The following TPH2 variants were observed in gnomAD, a reference collection of about 807,000 sequenced individuals.
TPH2 encodes tryptophan hydroxylase 2, also known as tryptophan 5-hydroxylase 2.
TPH2 carries 27 observed loss-of-function variants against 59.1 expected under a neutral mutation model. The observed-to-expected ratio is 0.46, with a 90% CI of 0.34 to 0.63. The LOEUF (loss-of-function observed/expected upper bound fraction) is 0.63, where lower values mean the gene tolerates loss of function less well. TPH2 is among the 30% of genes least tolerant of loss of function. The pLI is 0.01. For synonymous variants in TPH2, 220 were observed against 210.5 expected, an observed-to-expected ratio of 1.05 and a Z score of -0.39; for missense variants, 523 against 588.3, an observed-to-expected ratio of 0.89 and a Z score of 1.15.
In TPH2 at chr12:71,942,951, G is replaced by T. The variant is rs553616112; in HGVS notation, c.255+1218G>T. On this transcript the variant is annotated intron_variant, in intron 2 of 10. Coordinates refer to ENST00000333850, the MANE Select transcript of TPH2 (RefSeq NM_173353.4). Reference sequence around the variant, plus strand: ...TAAATTCCTGGAGAAGGAGTTAGCAGCCCTGAGTTTTCACTCTGCCATCAG... The same window carrying T: ...TAAATTCCTGGAGAAGGAGTTAGCATCCCTGAGTTTTCACTCTGCCATCAG... 2.6e-5 allele frequency among the ~76,000 whole-genome samples: 4 copies of T among 152,264 alleles called. No homozygotes were observed. In the East Asian group the frequency reaches 7.7e-4, roughly 29 times the overall value.
chr12:71,991,660 C>A (rs1592401561), intron 7 of TPH2, among the ~76,000 whole-genome samples: 1 of 152,106 alleles, frequency 6.6e-6, no homozygotes, highest in Admixed American at 6.5e-5. Flanking sequence ...GGCGGCATGA[C>A]CTTTTAAAAA....
intron 4 of TPH2, among the ~76,000 whole-genome samples, chr12:71,948,308 A>G (rs1279206583): frequency 6.6e-6 from 1 of 152,112 alleles, no homozygotes; most frequent in South Asian, 2.1e-4. Flanking sequence ...ATTCACAGTA[A>G]AAGAAAGTGC....
At chr12:72,000,983 T>C (rs1872807621) in intron 8 of TPH2, among the ~76,000 whole-genome samples, 1 of 152,248 alleles carries the variant, frequency 6.6e-6, no homozygotes, top group Non-Finnish European at 1.5e-5. Context: ...CGTCAAACAG[T>C]ACATCCCATC....
chr12:71,996,212 T>G (rs1012888256), intron 8 of TPH2, among the ~76,000 whole-genome samples: 3 of 152,312 alleles, frequency 2.0e-5, no homozygotes, highest in African/African-American at 7.2e-5. Flanking sequence ...TGTGGGCCTC[T>G]CCTTAAGCTA....
rs2139221788 is a variant in TPH2, at chr12:71,994,537, C to T, written c.1040C>T (p.Ser347Leu). ...ATAGGTCTGGCGTCTCTGGGAGCAT[C>T]AGATGAAGATGTTCAGAAACTAGCC... ...QEIGLASLGA[S>L]DEDVQKLATC... is the part of the protein sequence containing the mutation. Residue 347 changes from serine (S) to leucine (L), a missense_variant, in exon 8 of 11, where the codon TCA (serine) becomes TTA (leucine). By Grantham distance (145) the Ser-to-Leu change is moderately radical (BLOSUM62 -2). Coordinates refer to ENST00000333850, the MANE Select transcript of TPH2 (RefSeq NM_173353.4). 6.2e-7 allele frequency: 1 copy of T among 1,613,936 alleles called. No individual in the cohort carries two copies. The highest frequency in any genetic ancestry group is 8.5e-7 in the Non-Finnish European group (1 of 1,179,862).
rs550324151 is a variant in TPH2 at position 71,956,324 on chromosome 12, G to A, written c.608+6669G>A. ...CACTGTGGGAAGGGATTACACATGG[G>A]CATGAATATCAGGAGTCAGGGTTCA... On this transcript the variant is annotated intron_variant, in intron 5 of 10. Transcript: ENST00000333850. Among the ~76,000 whole-genome samples, 127 of 152,264 alleles carry A rather than the reference G, an allele frequency of 8.3e-4. 1 individual carries two copies. Among genetic ancestry groups the A allele is most frequent in the Non-Finnish European group, 4.4e-4 (30 of 68,018 alleles).
chr12:72,001,579 G>A (rs527665864), intron 8 of TPH2, among the ~76,000 whole-genome samples: 21 of 151,878 alleles, frequency 1.4e-4, no homozygotes, highest in African/African-American at 4.6e-4. Flanking sequence ...GCATGTGCCC[G>A]GCTAATTTTT....
chr12:72,015,001 A>G (rs1489948448), intron 8 of TPH2, among the ~76,000 whole-genome samples: 1 of 152,088 alleles, frequency 6.6e-6, no homozygotes, highest in African/African-American at 2.4e-5. Context: ...ATGAAGCCTC[A>G]TTCTTATTTC....
intron 7 of TPH2, among the ~76,000 whole-genome samples, chr12:71,988,053 G>A (rs1311921421): frequency 1.3e-5 from 2 of 152,146 alleles, no homozygotes; most frequent in Non-Finnish European, 1.5e-5. Context: ...GTGTCAAGTG[G>A]CTATTATATT....
Position 71,939,064 on chromosome 12 carries a change from A to C in TPH2, c.78A>C (p.Glu26Asp). Residue 26 changes from glutamate (E) to aspartate (D), a missense_variant, in exon 1 of 11, where the codon GAA (glutamate) becomes GAC (aspartate). Glu to Asp is a conservative substitution (Grantham distance 45, BLOSUM62 2). Transcript: ENST00000333850. ...RGFSLDSAVPEEHQLLGSSTL... is the reference protein window; with the variant it reads ...RGFSLDSAVPDEHQLLGSSTL... Reference sequence around the variant, plus strand: ...TTTCCCTGGATTCAGCAGTGCCCGAAGAGCATCAGCTACTTGGCAGCTCAA... The same window carrying C: ...TTTCCCTGGATTCAGCAGTGCCCGACGAGCATCAGCTACTTGGCAGCTCAA... The C allele has an allele frequency of 6.2e-7, 1 of 1,614,116 alleles. No individual in the cohort carries two copies. Among genetic ancestry groups the C allele is most frequent in the Non-Finnish European group, 8.5e-7 (1 of 1,180,016 alleles).
At position 71,944,426 on chromosome 12, in the gene TPH2, A is replaced by G; in HGVS notation, c.388A>G (p.Thr130Ala). 1 of 1,614,004 alleles carries G rather than the reference A, an allele frequency of 6.2e-7. No homozygotes were observed. The highest frequency in any genetic ancestry group is 8.5e-7 in the Non-Finnish European group (1 of 1,179,886). Reference sequence around the variant, plus strand: ...GCTCATTCAGTTGCTGAAATTTCAAACCACTATTGTGACGCTGAATCCTCC... The same window carrying G: ...GCTCATTCAGTTGCTGAAATTTCAAGCCACTATTGTGACGCTGAATCCTCC... ...NELIQLLKFQ[T>A]TIVTLNPPEN... Residue 130 changes from threonine (T) to alanine (A), a missense_variant, in exon 3 of 11, where the codon ACC (threonine) becomes GCC (alanine). Coordinates refer to ENST00000333850, the MANE Select transcript of TPH2 (RefSeq NM_173353.4).
At chr12:71,970,717 A>C (rs1345727502) in intron 5 of TPH2, among the ~76,000 whole-genome samples, 1 of 152,218 alleles carries the variant, frequency 6.6e-6, no homozygotes, top group African/African-American at 2.4e-5. Context: ...TTTCATTCTA[A>C]ATTCATCACA....
Position 71,978,961 on chromosome 12 carries a change from G to C in TPH2, c.815G>C (p.Gly272Ala). ...TCTGTTGCCTTTTTAGAAAGGTCTG[G>C]CTTCACGGTGAGGCCGGTGGCTGGA... ...DVSMFLKERS[G>A]FTVRPVAGYL... The change falls in exon 7 of 11, where the codon GGC (glycine) becomes GCC (alanine). Residue 272 changes from glycine (G) to alanine (A), a missense_variant. By Grantham distance (60) the Gly-to-Ala change is moderately conservative. Coordinates refer to ENST00000333850, the MANE Select transcript of TPH2 (RefSeq NM_173353.4). 6.2e-7 allele frequency: 1 copy of C among 1,614,098 alleles called. No homozygotes were observed. Among genetic ancestry groups the C allele is most frequent in the Non-Finnish European group, 8.5e-7 (1 of 1,180,004 alleles).
At chr12:71,962,445 T>C (rs145970505) in intron 5 of TPH2, 17 of 985,236 alleles carry the variant, frequency 1.7e-5, no homozygotes, top group East Asian at 1.1e-4. Flanking sequence ...GACTGAGTGA[T>C]GATGTCTAGA....
intron 5 of TPH2, among the ~76,000 whole-genome samples, 178 bp from the exon 6 acceptor site, chr12:71,972,341 A>G (rs1871996697): frequency 6.6e-6 from 1 of 152,232 alleles, no homozygotes; most frequent in African/African-American, 2.4e-5. Context: ...ATTCAAATAC[A>G]CATGCACAAC....
chr12:71,990,543 A>G (rs576529483), intron 7 of TPH2, among the ~76,000 whole-genome samples: 1 of 152,322 alleles, frequency 6.6e-6, no homozygotes, highest in South Asian at 2.1e-4. Flanking sequence ...AAGTTAATGA[A>G]TTGCTTTTAT....
intron 8 of TPH2, among the ~76,000 whole-genome samples, chr12:72,015,904 T>C (rs368418080): frequency 7.2e-5 from 11 of 152,144 alleles, no homozygotes; most frequent in African/African-American, 2.7e-4. Flanking sequence ...ATGGGGAGCA[T>C]AAGGTGATAG....
chr12:72,018,139 G>A (rs1394216507), intron 8 of TPH2, among the ~76,000 whole-genome samples: 1 of 152,168 alleles, frequency 6.6e-6, no homozygotes, highest in East Asian at 1.9e-4. Flanking sequence ...CAGCATTTAG[G>A]GACCTTCCTT....
At chr12:71,975,122 G>A (rs992826560) in intron 6 of TPH2, among the ~76,000 whole-genome samples, 2 of 152,216 alleles carry the variant, frequency 1.3e-5, no homozygotes, top group Non-Finnish European at 2.9e-5. Flanking sequence ...CAAGGCAGGC[G>A]GATCACTTGA....
Sources: gnomAD v4.1 joint callset for allele counts (sites outside exome capture counted in the v4.1 genomes callset) on GRCh38, gnomAD v4.1.1 for gene constraint, MANE v1.5 for transcripts, NCBI Gene and HGNC (gene_info 2026-07-23, HGNC 2026-07-21) for gene names.